GABRG2: variants seen among roughly 807,000 people sequenced by gnomAD.
GABRG2 encodes gamma-aminobutyric acid type A receptor subunit gamma2.
In GABRG2, 16 loss-of-function variants were observed where a neutral mutation model predicts 56.4. The ratio of observed to expected loss-of-function variants is 0.28; its 90% confidence interval spans 0.19 to 0.43. The LOEUF (loss-of-function observed/expected upper bound fraction) is 0.43. Ranked by LOEUF, GABRG2 falls within the 20% of genes least tolerant of loss-of-function variation. The probability of loss-of-function intolerance (pLI) is 1.00; values close to 1 mark genes in which losing one functional copy is unlikely to be tolerated. For missense variants in GABRG2, 327 were observed against 582.7 expected (o/e 0.56, Z 4.52); for synonymous variants, 208 against 205.5 (o/e 1.01, Z -0.10).
At chr5:162,129,902 T>C (rs572510158) in intron 6 of GABRG2, among the ~76,000 whole-genome samples, 3 of 152,064 alleles carry the variant, frequency 2.0e-5, no homozygotes, top group Admixed American at 1.3e-4. Context: ...ATTGAATTTG[T>C]TATAATTTAT....
intron 6 of GABRG2, among the ~76,000 whole-genome samples, chr5:162,107,359 T>C (rs546133678): frequency 6.6e-6 from 1 of 152,310 alleles, no homozygotes; most frequent in Non-Finnish European, 1.5e-5. Context: ...TTTAAGTGCA[T>C]ATATTTGTGT....
At chr5:162,150,032 G>A (rs1581456052) in intron 8 of GABRG2, 1 of 175,240 alleles carries the variant, frequency 5.7e-6, no homozygotes, top group African/African-American at 2.4e-5. Flanking sequence ...AAATGATTTA[G>A]TGTGTGTATG....
chr5:162,152,401 A>G, intron 9 of GABRG2: 1 of 443,778 alleles, frequency 2.3e-6, no homozygotes. Flanking sequence ...TATATCATTT[A>G]GTTGCATAGA....
intron 8 of GABRG2, chr5:162,149,553 AT>A (rs1561661036): frequency 1.3e-6 from 1 of 760,038 alleles, no homozygotes; most frequent in East Asian, 2.4e-5. Context: ...TGCTCTCTTT[AT>A]TTTGTGGAGA....
chr5:162,082,096 A>C (rs750625756), intron 1 of GABRG2, among the ~76,000 whole-genome samples: 1 of 151,860 alleles, frequency 6.6e-6, no homozygotes, highest in Admixed American at 6.6e-5. Context: ...TGAACTTTTC[A>C]GTGCTTATGT....
At chr5:162,078,398 T>TATTTA (rs1491452559) in intron 1 of GABRG2, among the ~76,000 whole-genome samples, 1 of 16,398 alleles carries the variant, frequency 6.1e-5, no homozygotes, top group Non-Finnish European at 1.1e-4. Context: ...TATATATATA[T>TATTTA]TTTTTTTTTT....
chr5:162,149,772 C>T, intron 8 of GABRG2: 1 of 388,076 alleles, frequency 2.6e-6, no homozygotes, highest in South Asian at 1.9e-5. Context: ...CGCCACCATG[C>T]CTGGTTAATT....
intron 2 of GABRG2, among the ~76,000 whole-genome samples, chr5:162,095,059 T>C (rs574802785): frequency 1.3e-5 from 2 of 152,294 alleles, no homozygotes; most frequent in East Asian, 3.9e-4. Context: ...GCTGTTTATG[T>C]CCACTTCATG....
intron 2 of GABRG2, 24 bp from the exon 3 acceptor site, chr5:162,095,471 A>C: frequency 6.7e-7 from 1 of 1,486,160 alleles, no homozygotes; most frequent in Non-Finnish European, 9.4e-7. Context: ...CTATGTGCAC[A>C]CATTTCTATG....
Position 162,097,842 on chromosome 5 carries a change from G to A in GABRG2, c.532G>A (p.Val178Met). Residue 178 changes from valine (V) to methionine (M), a missense_variant, in exon 4 of 10, where the codon GTG (valine) becomes ATG (methionine). Coordinates refer to ENST00000639213, the MANE Select transcript of GABRG2 (RefSeq NM_198904.4). ...GCTGAGAATTTGGAATGATGGTCGA[G>A]TGCTCTACACCCTAAGGTATTCTTT... Reference protein sequence around the residue: ...RMLRIWNDGRVLYTLRLTIDA... With the variant: ...RMLRIWNDGRMLYTLRLTIDA... 1.2e-6 allele frequency: 2 copies of A among 1,613,054 alleles called. No homozygotes were observed. Among genetic ancestry groups the A allele is most frequent in the Non-Finnish European group, 1.7e-6 (2 of 1,179,490 alleles).
chr5:162,093,908 A>C lies in GABRG2; in HGVS notation c.188A>C (p.Glu63Ala). ...KTWVLTPKVPEGDVTVILNNL... is the reference protein window; with the variant it reads ...KTWVLTPKVPAGDVTVILNNL... ...TGGGTCTTGACTCCAAAAGTTCCTG[A>C]GGGTGATGTCACTGTCATCTTAAAC... Residue 63 changes from glutamate to alanine, a missense_variant, in exon 2 of 10, where the codon GAG (glutamate) becomes GCG (alanine). This residue lies in a region of GABRG2 where 73 missense variants were observed against 72.2 expected (regional missense o/e 1.01). Transcript: ENST00000639213. 1 of 1,613,294 alleles carries C rather than the reference A, an allele frequency of 6.2e-7. No individual in the cohort carries two copies. Among genetic ancestry groups the C allele is most frequent in the Non-Finnish European group, 8.5e-7 (1 of 1,179,480 alleles).
intron 6 of GABRG2, among the ~76,000 whole-genome samples, chr5:162,131,678 A>G (rs948770459): frequency 2.6e-5 from 4 of 152,052 alleles, no homozygotes; most frequent in African/African-American, 9.7e-5. Flanking sequence ...ATAAATATTT[A>G]TAAAGACTTT....
At chr5:162,116,110 ATGTGTGTGTG>A (rs34083256) in intron 6 of GABRG2, among the ~76,000 whole-genome samples, 13 of 127,150 alleles carry the variant, frequency 1.0e-4, no homozygotes, top group Non-Finnish European at 2.1e-4. Context: ...GTGTGCGTGC[ATGTGTGTGTG>A]TGTGTGTGTG....
At chr5:162,068,226 A>G (rs999318741) in intron 1 of GABRG2, 120 bp downstream of exon 1, 17 of 733,470 alleles carry the variant, frequency 2.3e-5, no homozygotes, top group South Asian at 4.4e-5. Context: ...CGGCTTTACA[A>G]TTTAGGAGAG....
At chr5:162,078,129 A>G (rs761527472) in intron 1 of GABRG2, among the ~76,000 whole-genome samples, 4 of 151,788 alleles carry the variant, frequency 2.6e-5, no homozygotes, top group Admixed American at 6.6e-5. Flanking sequence ...AAAACAAAAC[A>G]CCATAGAATA....
At chr5:162,103,431 C>A in intron 5 of GABRG2, 1 of 157,564 alleles carries the variant, frequency 6.3e-6, no homozygotes, top group South Asian at 1.8e-4. Context: ...CTATCTTCCA[C>A]TTCAAATGCA....
At chr5:162,087,230 C>G (rs1235890724) in intron 1 of GABRG2, among the ~76,000 whole-genome samples, 1 of 152,072 alleles carries the variant, frequency 6.6e-6, no homozygotes, top group Non-Finnish European at 1.5e-5. Flanking sequence ...CACTGCCTCT[C>G]CACGTTTTCC....
chr5:162,101,218 A>G lies in GABRG2; in HGVS notation c.549-17A>G, dbSNP rs1270229250. Reference sequence around the variant, plus strand: ...TATGTCTAAAATCCATCTTATGTTTAATATCTTTCTACTTAGGTTGACAAT... The same window carrying G: ...TATGTCTAAAATCCATCTTATGTTTGATATCTTTCTACTTAGGTTGACAAT... On this transcript the variant is annotated splice_polypyrimidine_tract_variant and intron_variant, in intron 4 of 9. Transcript: ENST00000639213. The G allele has an allele frequency of 2.0e-6, 3 of 1,520,220 alleles. No homozygotes were observed. Among genetic ancestry groups the G allele is most frequent in the African/African-American group, 1.4e-5 (1 of 72,412 alleles). The allele number at this position is 1,520,220 out of a possible 1,614,324, so 94.2% of individuals were successfully genotyped here. A position where few individuals can be genotyped will look rare whatever the true frequency, so the allele number is the denominator to read the frequency against.
chr5:162,129,021 T>C (rs1763533875), intron 6 of GABRG2, among the ~76,000 whole-genome samples: 1 of 152,082 alleles, frequency 6.6e-6, no homozygotes, highest in Non-Finnish European at 1.5e-5. Flanking sequence ...TTTTTCCAGT[T>C]GGCATATCTT....
Sources: gnomAD v4.1 joint callset for allele counts (sites outside exome capture counted in the v4.1 genomes callset) on GRCh38, gnomAD v4.1.1 for gene constraint, gnomAD v4.1.1 regional missense constraint, MANE v1.5 for transcripts, NCBI Gene and HGNC (gene_info 2026-07-23, HGNC 2026-07-21) for gene names.